TJP1: variants seen among roughly 807,000 people sequenced by gnomAD.
TJP1 encodes the protein tight junction protein ZO-1.
A neutral mutation model predicts 194.2 loss-of-function variants in TJP1; 43 were observed. That is an observed-to-expected ratio of 0.22 (90% confidence interval 0.17 to 0.29). TJP1 has a LOEUF of 0.29. Ranked by LOEUF, TJP1 falls within the 10% of genes least tolerant of loss-of-function variation. The pLI, the probability that TJP1 is intolerant of heterozygous loss-of-function variation, is 1.00. For missense variants in TJP1, 1,971 were observed against 2,185.7 expected (o/e 0.90, Z 1.96); for synonymous variants, 801 against 779.0 (o/e 1.03, Z -0.47).
intron 2 of TJP1, among the ~76,000 whole-genome samples, chr15:29,878,370 G>C (rs999000205): frequency 6.6e-6 from 1 of 152,114 alleles, no homozygotes; most frequent in Non-Finnish European, 1.5e-5. Flanking sequence ...TTCAAGAAGC[G>C]GGTTAACTGT....
chr15:29,748,389 A>T (rs986204259), intron 8 of TJP1, among the ~76,000 whole-genome samples: 1 of 152,154 alleles, frequency 6.6e-6, no homozygotes. Flanking sequence ...TACAGCACAA[A>T]ATAAAATAAT....
At chr15:29,732,230 T>C in intron 15 of TJP1, 2 of 576,936 alleles carry the variant, frequency 3.5e-6, no homozygotes, top group Non-Finnish European at 6.1e-6. Flanking sequence ...AAGAGTTTCC[T>C]AAACGGTGAC....
intron 1 of TJP1, among the ~76,000 whole-genome samples, chr15:29,957,798 T>C (rs563088728): frequency 6.6e-6 from 1 of 152,344 alleles, no homozygotes; most frequent in South Asian, 2.1e-4. Context: ...GAGTCAGAGA[T>C]GGGAGTTTCC....
chr15:29,785,351 C>T (rs2047634652), intron 2 of TJP1, among the ~76,000 whole-genome samples: 3 of 152,072 alleles, frequency 2.0e-5, no homozygotes, highest in Admixed American at 2.0e-4. Context: ...CTAGCCATGC[C>T]CATTCCTTTA....
At chr15:29,949,681 CTT>C (rs2055550250) in intron 2 of TJP1, among the ~76,000 whole-genome samples, 2 of 99,756 alleles carry the variant, frequency 2.0e-5, no homozygotes, top group Non-Finnish European at 4.4e-5. Flanking sequence ...CCACCTCCAC[CTT>C]CACCACCACC....
At chr15:29,827,353 A>C (rs966415101), upstream of TJP1, among the ~76,000 whole-genome samples, 1 of 152,200 alleles carries the variant, frequency 6.6e-6, no homozygotes. Flanking sequence ...GGCCCAGCAC[A>C]CATTAGTGGG....
intron 19 of TJP1, 138 bp from the exon 20 acceptor site, chr15:29,720,154 G>T: frequency 7.9e-7 from 1 of 1,262,482 alleles, no homozygotes; most frequent in Non-Finnish European, 1.1e-6. Flanking sequence ...TAAACTTTTT[G>T]GGAAAAAAAA....
chr15:29,772,406 C>T (rs1375402936), intron 3 of TJP1, among the ~76,000 whole-genome samples: 2 of 152,068 alleles, frequency 1.3e-5, no homozygotes, highest in Non-Finnish European at 2.9e-5. Context: ...AAAGTATTTC[C>T]CCAAAAGACT....
At chr15:29,872,643 G>T (rs900175693) in intron 2 of TJP1, among the ~76,000 whole-genome samples, 11 of 107,830 alleles carry the variant, frequency 1.0e-4, no homozygotes, top group African/African-American at 5.6e-4. Context: ...TAAGCGAAAC[G>T]ATGGAAAAAA....
intron 2 of TJP1, among the ~76,000 whole-genome samples, chr15:29,783,425 C>T (rs1388562969): frequency 2.6e-5 from 4 of 152,234 alleles, no homozygotes; most frequent in Middle Eastern, 3.4e-3. Context: ...GGCAGTTCCT[C>T]AGAGCTAAAA....
intron 8 of TJP1, among the ~76,000 whole-genome samples, chr15:29,744,822 C>A (rs890277151): frequency 2.6e-5 from 4 of 152,040 alleles, no homozygotes; most frequent in African/African-American, 9.7e-5. Flanking sequence ...GCTACCAGAA[C>A]CTTTAACATC....
intron 1 of TJP1, chr15:29,968,210 T>G (rs2056396039): frequency 1.0e-6 from 1 of 985,278 alleles, no homozygotes; most frequent in Admixed American, 6.2e-5. Context: ...GCTCGTCCTC[T>G]ACTATGCACT....
chr15:29,800,901 CCTTT>C (rs768141478), intron 1 of TJP1, among the ~76,000 whole-genome samples, 199 bp from the exon 2 acceptor site: 6 of 152,252 alleles, frequency 3.9e-5, no homozygotes, highest in Non-Finnish European at 7.4e-5. Flanking sequence ...ACAGGAACTT[CCTTT>C]GTTTTTAACT....
At chr15:29,708,434 A>T (rs951511123) in intron 25 of TJP1, 125 bp downstream of exon 25, 5 of 790,564 alleles carry the variant, frequency 6.3e-6, no homozygotes, top group Non-Finnish European at 1.0e-5. Context: ...TCATTGCAAC[A>T]ACACTCTTCA....
At chr15:29,756,554 C>T (rs565821977) in intron 8 of TJP1, among the ~76,000 whole-genome samples, 3 of 152,204 alleles carry the variant, frequency 2.0e-5, no homozygotes, top group Non-Finnish European at 4.4e-5. Context: ...CAGTTCTAGA[C>T]AACAGTGAGG....
chr15:29,714,335 T>C (rs1401235363), intron 23 of TJP1, among the ~76,000 whole-genome samples: 2 of 150,936 alleles, frequency 1.3e-5, no homozygotes, highest in Non-Finnish European at 2.9e-5. Flanking sequence ...GCCTCCCGGG[T>C]TCATGCCATT....
intron 1 of TJP1, among the ~76,000 whole-genome samples, chr15:29,964,415 A>AG (rs1163649474): frequency 1.3e-5 from 2 of 151,692 alleles, no homozygotes; most frequent in Non-Finnish European, 2.9e-5. Flanking sequence ...AGTCTTTTAA[A>AG]AAAAGAGAGA....
At chr15:29,769,971 G>A (rs947163419) in intron 4 of TJP1, among the ~76,000 whole-genome samples, 47 of 151,918 alleles carry the variant, frequency 3.1e-4, no homozygotes, top group Non-Finnish European at 7.4e-5. Context: ...TGTTCCACAA[G>A]AAGGCATTAT....
intron 18 of TJP1, 152 bp from the exon 19 acceptor site, chr15:29,720,860 T>C: frequency 4.6e-6 from 3 of 647,058 alleles, no homozygotes; most frequent in Non-Finnish European, 7.8e-6. Flanking sequence ...AAGAAGATTG[T>C]ACAAGCACAC....
Sources: gnomAD v4.1 joint callset for allele counts (sites outside exome capture counted in the v4.1 genomes callset) on GRCh38, gnomAD v4.1.1 for gene constraint, MANE v1.5 for transcripts, NCBI Gene and HGNC (gene_info 2026-07-23, HGNC 2026-07-21) for gene names.